Variants in BTBD9 observed in about 807,000 individuals in gnomAD.
BTBD9 encodes BTB/POZ domain-containing protein 9.
A neutral mutation model predicts 64.3 loss-of-function variants in BTBD9; 49 were observed. The ratio of observed to expected loss-of-function variants is 0.76; its 90% confidence interval spans 0.61 to 0.97. BTBD9 has a LOEUF of 0.97. Among genes scored for constraint, BTBD9 ranks in the 50% least tolerant of loss-of-function variants. The pLI, the probability that BTBD9 is intolerant of heterozygous loss-of-function variation, is 0.00. For missense variants in BTBD9, 598 were observed against 762.1 expected, an observed-to-expected ratio of 0.78 and a Z score of 2.53; for synonymous variants, 260 against 274.7, an observed-to-expected ratio of 0.95 and a Z score of 0.53.
chr6:38,517,102 C>T (rs1220849047), intron 6 of BTBD9, among the ~76,000 whole-genome samples: 1 of 152,178 alleles, frequency 6.6e-6, no homozygotes, highest in Non-Finnish European at 1.5e-5. Flanking sequence ...CTCCACTCTA[C>T]CTCAGTCATA....
At chr6:38,497,687 A>T (rs1177512960) in intron 6 of BTBD9, among the ~76,000 whole-genome samples, 1 of 152,264 alleles carries the variant, frequency 6.6e-6, no homozygotes, top group Non-Finnish European at 1.5e-5. Flanking sequence ...GATGTCAAAA[A>T]GGATGACTAC....
intron 8 of BTBD9, among the ~76,000 whole-genome samples, chr6:38,269,550 A>C (rs973468560): frequency 6.6e-6 from 1 of 152,164 alleles, no homozygotes; most frequent in African/African-American, 2.4e-5. Context: ...GCTGTAATTA[A>C]ACCAAACTGG....
intron 1 of BTBD9, among the ~76,000 whole-genome samples, chr6:38,624,414 G>A (rs1022846842): frequency 2.6e-5 from 4 of 152,154 alleles, no homozygotes; most frequent in East Asian, 1.9e-4. Flanking sequence ...AACACTCACG[G>A]CGAAGGTCCG....
Position 38,374,305 on chromosome 6 carries a change from A to ACG in BTBD9, c.1155-29213_1155-29212insCG, listed in dbSNP as rs1554143557. Among the ~76,000 whole-genome samples, 3 of 66,618 alleles carry ACG rather than the reference A, an allele frequency of 4.5e-5. 1 individual carries two copies. Among genetic ancestry groups the ACG allele is most frequent in the Admixed American group, 3.1e-4 (2 of 6,366 alleles). The allele number at this position is 66,618 out of a possible 152,430, so 43.7% of individuals were successfully genotyped here. ...AAAGTATATATATATATGTATATATATGTATATATATATATATATATGTAT... is the reference window on the plus strand; with the variant it reads ...AAAGTATATATATATATGTATATATACGTGTATATATATATATATATATGTAT... On this transcript the variant is annotated intron_variant, in intron 6 of 10. Transcript: ENST00000481247.
Position 38,174,742 on chromosome 6 carries a change from G to A in BTBD9, c.*243C>T. 5.6e-6 allele frequency: 3 copies of A among 533,634 alleles called. No individual in the cohort carries two copies. In the South Asian group the frequency reaches 8.2e-5, roughly 15 times the overall value. The allele number at this position is 533,634 out of a possible 1,614,324, so 33.1% of individuals were successfully genotyped here. On this transcript the variant is annotated 3_prime_UTR_variant, in exon 11 of 11. Transcript: ENST00000481247. ...GTAGGGTGTTAATGGTGGACTTGATGAAGATTGAAGACCCATTTTCTCCCC... is the reference window on the plus strand; with the variant it reads ...GTAGGGTGTTAATGGTGGACTTGATAAAGATTGAAGACCCATTTTCTCCCC...
At chr6:38,196,281 GGGAATAATA>G (rs1282812880) in intron 9 of BTBD9, among the ~76,000 whole-genome samples, 2 of 152,172 alleles carry the variant, frequency 1.3e-5, no homozygotes, top group East Asian at 3.8e-4. Context: ...TCTGTAAAAT[GGGAATAATA>G]GGAATAACTA....
chr6:38,613,077 A>G (rs1271115657), intron 1 of BTBD9: 2 of 152,252 alleles, frequency 1.3e-5, no homozygotes, highest in Non-Finnish European at 2.9e-5. Context: ...ACTTACTAAA[A>G]AAAGAAAACC....
At chr6:38,292,498 T>C (rs1356461940) in intron 7 of BTBD9, among the ~76,000 whole-genome samples, 1 of 152,142 alleles carries the variant, frequency 6.6e-6, no homozygotes, top group African/African-American at 2.4e-5. Flanking sequence ...TTTCAGAATT[T>C]GTTATTGGTC....
intron 6 of BTBD9, among the ~76,000 whole-genome samples, chr6:38,464,451 T>C (rs1287865374): frequency 1.3e-5 from 2 of 152,202 alleles, no homozygotes; most frequent in East Asian, 3.9e-4. Flanking sequence ...TTAAAATTTT[T>C]AAATTCTGTG....
At chr6:38,558,483 G>A (rs1321240292) in intron 6 of BTBD9, among the ~76,000 whole-genome samples, 1 of 152,126 alleles carries the variant, frequency 6.6e-6, no homozygotes, top group Non-Finnish European at 1.5e-5. Flanking sequence ...TGTTTTCAAG[G>A]AGAATGCTTC....
chr6:38,564,809 A>G (rs1033943627), intron 6 of BTBD9, among the ~76,000 whole-genome samples: 5 of 151,960 alleles, frequency 3.3e-5, no homozygotes, highest in Non-Finnish European at 7.4e-5. Context: ...GGAGAATCGC[A>G]TGAACCCGGG....
At chr6:38,575,322 C>G (rs1775976417) in intron 6 of BTBD9, among the ~76,000 whole-genome samples, 2 of 152,050 alleles carry the variant, frequency 1.3e-5, no homozygotes, top group Admixed American at 6.6e-5. Context: ...GAGCACTGTG[C>G]AAGAATAATA....
At position 38,594,331 on chromosome 6, in the gene BTBD9, C is replaced by A. The variant is rs902329258; in HGVS notation, c.186-4G>T. On this transcript the variant is annotated splice_polypyrimidine_tract_variant and splice_region_variant and intron_variant, in intron 2 of 10. Transcript: ENST00000481247. ...CATTCCACCATATAATAATGCTCTGCACATCAGGGAAGAAACACATGAAGA... is the reference window on the plus strand; with the variant it reads ...CATTCCACCATATAATAATGCTCTGAACATCAGGGAAGAAACACATGAAGA... 1 of 1,590,428 alleles carries A rather than the reference C, an allele frequency of 6.3e-7. No individual in the cohort carries two copies. The highest frequency in any genetic ancestry group is 8.6e-7 in the Non-Finnish European group (1 of 1,166,766).
intron 9 of BTBD9, among the ~76,000 whole-genome samples, chr6:38,228,350 C>A (rs553191774): frequency 5.9e-5 from 3 of 51,092 alleles, no homozygotes; most frequent in East Asian, 8.0e-4. Context: ...GTCCCCCCCC[C>A]CAAAAAAAAA....
intron 6 of BTBD9, among the ~76,000 whole-genome samples, chr6:38,540,395 T>C (rs1774219826): frequency 6.6e-6 from 1 of 152,240 alleles, no homozygotes; most frequent in South Asian, 2.1e-4. Context: ...GCCATATTTT[T>C]GATAAATTGG....
intron 6 of BTBD9, among the ~76,000 whole-genome samples, chr6:38,522,382 C>A (rs1248118315): frequency 2.7e-5 from 3 of 109,736 alleles, no homozygotes; most frequent in African/African-American, 9.2e-5. Context: ...TCTACTGAAA[C>A]TTCACTTAAT....
intron 1 of BTBD9, among the ~76,000 whole-genome samples, chr6:38,611,012 A>C (rs1230057579): frequency 1.3e-5 from 2 of 152,092 alleles, no homozygotes; most frequent in Non-Finnish European, 2.9e-5. Context: ...GAATAGATCT[A>C]TATGTTCTGA....
At position 38,483,620 on chromosome 6, in the gene BTBD9, C is replaced by T. The variant is rs183157796; in HGVS notation, c.1154+93980G>A. On this transcript the variant is annotated intron_variant, in intron 6 of 10. Coordinates refer to ENST00000481247, the MANE Select transcript of BTBD9 (RefSeq NM_001099272.2). ...CCTGTCTATCTGTCTGCCCTCATTG[C>T]TAAACATACCTTCCTCCCAACACCC... is the stretch of plus-strand genomic sequence containing the variant. Among the ~76,000 whole-genome samples the T allele has an allele frequency of 4.6e-5, 7 of 152,274 alleles. 1 individual carries two copies. The East Asian group carries it at 1.2e-3, about 25-fold the overall frequency.
At chr6:38,316,413 T>C (rs981845770) in intron 7 of BTBD9, among the ~76,000 whole-genome samples, 1 of 152,206 alleles carries the variant, frequency 6.6e-6, no homozygotes, top group Non-Finnish European at 1.5e-5. Context: ...AGGTGATTTT[T>C]TCTGGTGCTA....
Sources: allele counts gnomAD v4.1 joint callset (sites outside exome capture counted in the v4.1 genomes callset), GRCh38; gene constraint gnomAD v4.1.1; transcripts MANE v1.5; gene names NCBI Gene and HGNC (gene_info 2026-07-23, HGNC 2026-07-21).